Variants in RPTOR observed in about 807,000 individuals in gnomAD.
RPTOR encodes the protein regulatory associated protein of MTOR complex 1, also known as regulatory-associated protein of mTOR.
A neutral mutation model predicts 169.9 loss-of-function variants in RPTOR; 21 were observed. The ratio of observed to expected loss-of-function variants is 0.12; its 90% CI spans 0.09 to 0.18. The LOEUF is 0.18. Among genes scored for constraint, RPTOR ranks in the 10% least tolerant of loss-of-function variants. The pLI is 1.00. For missense variants in RPTOR, 1,133 were observed against 1,855.9 expected (o/e 0.61, Z 7.16); for synonymous variants, 732 against 753.2 (o/e 0.97, Z 0.46).
intron 5 of RPTOR, among the ~76,000 whole-genome samples, chr17:80,736,382 C>T (rs1008230360): frequency 2.0e-5 from 3 of 152,138 alleles, no homozygotes; most frequent in Non-Finnish European, 4.4e-5. Flanking sequence ...ACTGCCACAG[C>T]GAGAAGCTTG....
intron 1 of RPTOR, chr17:80,602,917 C>T (rs1052896144): frequency 3.7e-5 from 16 of 438,320 alleles, no homozygotes; most frequent in African/African-American, 1.4e-4. Flanking sequence ...TCCTTTTCTG[C>T]GGGAGCCATT....
At chr17:80,893,579 G>C in intron 19 of RPTOR, 128 bp from the exon 20 acceptor site, 2 of 1,196,248 alleles carry the variant, frequency 1.7e-6, no homozygotes, top group Non-Finnish European at 2.3e-6. Flanking sequence ...TGTGTACCAG[G>C]GTGTGTTTGT....
chr17:80,613,780 G>A (rs551829082), intron 1 of RPTOR, among the ~76,000 whole-genome samples: 1 of 151,718 alleles, frequency 6.6e-6, no homozygotes, highest in East Asian at 1.9e-4. Context: ...AGTGGTGTTG[G>A]ACTCGGGCTG....
At chr17:80,830,806 A>G (rs912874438) in intron 9 of RPTOR, among the ~76,000 whole-genome samples, 5 of 150,114 alleles carry the variant, frequency 3.3e-5, no homozygotes, top group African/African-American at 4.9e-5. Flanking sequence ...GCTGGAGTGC[A>G]GTGGTGTGAT....
intron 20 of RPTOR, among the ~76,000 whole-genome samples, chr17:80,894,650 A>C (rs6565486): frequency 0.83 from 126,195 of 152,002 alleles, 52,696 homozygotes; most frequent in African/African-American, 0.92. Flanking sequence ...AATGAGCCTC[A>C]TCTCCTCTTG....
At chr17:80,752,750 A>G (rs2066642332) in intron 5 of RPTOR, among the ~76,000 whole-genome samples, 1 of 152,224 alleles carries the variant, frequency 6.6e-6, no homozygotes, top group Non-Finnish European at 1.5e-5. Context: ...CCCACCTGGT[A>G]TCCATGGCAG....
intron 1 of RPTOR, among the ~76,000 whole-genome samples, chr17:80,607,595 CCATT>C (rs1460547360): frequency 3.0e-5 from 2 of 66,258 alleles, no homozygotes; most frequent in Non-Finnish European, 6.0e-5. Context: ...TGTATATATG[CCATT>C]TATATATATA....
chr17:80,600,046 T>G (rs2065174036), intron 1 of RPTOR, among the ~76,000 whole-genome samples: 1 of 152,192 alleles, frequency 6.6e-6, no homozygotes, highest in Admixed American at 6.5e-5. Context: ...GCATCTGGAC[T>G]GGGCTGTGAG....
At chr17:80,930,344 T>TCAGCTCATCCC (rs2068871776) in intron 24 of RPTOR, among the ~76,000 whole-genome samples, 1 of 10,408 alleles carries the variant, frequency 9.6e-5, no homozygotes, top group Non-Finnish European at 1.9e-4. Flanking sequence ...CAGCTCATCC[T>TCAGCTCATCCC]CAGCTCATCC....
intron 11 of RPTOR, among the ~76,000 whole-genome samples, chr17:80,852,088 C>T (rs1409995645): frequency 1.3e-5 from 2 of 152,152 alleles, no homozygotes; most frequent in Non-Finnish European, 2.9e-5. Context: ...TCCTTAAAAC[C>T]TTGGGTGGTG....
chr17:80,884,337 G>C (rs1174075172), intron 16 of RPTOR, among the ~76,000 whole-genome samples: 1 of 152,194 alleles, frequency 6.6e-6, no homozygotes, highest in Non-Finnish European at 1.5e-5. Context: ...CCAGTGGCTC[G>C]TGCCTGGTGC....
At chr17:80,727,423 C>T (rs980567064) in intron 4 of RPTOR, among the ~76,000 whole-genome samples, 1 of 141,234 alleles carries the variant, frequency 7.1e-6, no homozygotes, top group South Asian at 2.3e-4. Context: ...GATCATGTCA[C>T]GCTTCAAGAA....
intron 2 of RPTOR, among the ~76,000 whole-genome samples, chr17:80,627,171 CA>C (rs1371703701): frequency 6.6e-6 from 1 of 152,226 alleles, no homozygotes; most frequent in Non-Finnish European, 1.5e-5. Flanking sequence ...AGGCACCTGC[CA>C]CCACGCCCAG....
chr17:80,551,648 G>A (rs1318029183), intron 1 of RPTOR, among the ~76,000 whole-genome samples: 1 of 151,994 alleles, frequency 6.6e-6, no homozygotes, highest in East Asian at 1.9e-4. Context: ...GTTTTATACC[G>A]AGACATTCCA....
chr17:80,871,199 G>A (rs2068048330), intron 13 of RPTOR, among the ~76,000 whole-genome samples: 1 of 152,130 alleles, frequency 6.6e-6, no homozygotes, highest in South Asian at 2.1e-4. Context: ...TCTGCCTCCT[G>A]TGTTCACGCC....
Position 80,721,061 on chromosome 17 carries a change from G to C in RPTOR, c.508-9499G>C, listed in dbSNP as rs2066281729. 6.6e-6 allele frequency among the ~76,000 whole-genome samples: 1 copy of C among 151,134 alleles called. No homozygotes were observed. The highest frequency in any genetic ancestry group is 2.5e-5 in the African/African-American group (1 of 40,426). ...CCGGGTAAACACCAAGGCCTCGTGG[G>C]AGGCACCTAGGAGGTGAGGAGGGGC... On this transcript the variant is annotated intron_variant, in intron 4 of 33. Transcript: ENST00000306801. The surrounding 1 kb of genome is among the most constrained non-coding windows in gnomAD (Gnocchi z 4.7).
chr17:80,944,809 G>A (rs1211271151), intron 25 of RPTOR, among the ~76,000 whole-genome samples: 3 of 152,102 alleles, frequency 2.0e-5, no homozygotes, highest in Non-Finnish European at 4.4e-5. Context: ...TGGCCAACAT[G>A]GTGAAACCCC....
intron 2 of RPTOR, among the ~76,000 whole-genome samples, chr17:80,632,909 A>G (rs1567829521): frequency 6.6e-6 from 1 of 152,068 alleles, no homozygotes; most frequent in African/African-American, 2.4e-5. Context: ...GGCTCAAGCC[A>G]TCCTCCTCCC....
At chr17:80,856,375 C>T (rs770082482) in intron 12 of RPTOR, among the ~76,000 whole-genome samples, 48 of 152,338 alleles carry the variant, frequency 3.2e-4, no homozygotes, top group Middle Eastern at 3.4e-3. Flanking sequence ...CCTTAATTTA[C>T]TGTGCTTGGG....
Sources: allele counts gnomAD v4.1 joint callset (sites outside exome capture counted in the v4.1 genomes callset), GRCh38; gene constraint gnomAD v4.1.1; non-coding constraint Gnocchi (gnomAD v3.1); transcripts MANE v1.5; gene names NCBI Gene and HGNC (gene_info 2026-07-23, HGNC 2026-07-21).